The following SEZ6L variants were observed in gnomAD, a reference collection of about 807,000 sequenced individuals.
The protein encoded by SEZ6L is seizure 6-like protein.
Under a neutral mutation model 106.2 loss-of-function variants are expected in SEZ6L, and 37 were observed. The observed-to-expected ratio is 0.35, with a 90% confidence interval of 0.27 to 0.46. The LOEUF (loss-of-function observed/expected upper bound fraction) is 0.46. Ranked by LOEUF, SEZ6L falls within the 20% of genes least tolerant of loss-of-function variation. SEZ6L has a pLI of 1.00. For missense variants in SEZ6L, 1,172 were observed against 1,332.8 expected, an observed-to-expected ratio of 0.88 and a Z score of 1.88; for synonymous variants, 541 against 570.4, an observed-to-expected ratio of 0.95 and a Z score of 0.73.
intron 1 of SEZ6L, among the ~76,000 whole-genome samples, chr22:26,187,063 A>C (rs570293628): frequency 6.6e-6 from 1 of 152,310 alleles, no homozygotes; most frequent in African/African-American, 2.4e-5. Context: ...GGTTAGGGAC[A>C]ATTTGTGTAT....
intron 9 of SEZ6L, among the ~76,000 whole-genome samples, chr22:26,329,230 G>A (rs1011229383): frequency 1.3e-5 from 2 of 152,282 alleles, no homozygotes; most frequent in African/African-American, 4.8e-5. Flanking sequence ...CACTCTGGGA[G>A]GCCAAGGCAG....
chr22:26,253,632 C>G (rs1022654670), intron 1 of SEZ6L, among the ~76,000 whole-genome samples: 1 of 152,110 alleles, frequency 6.6e-6, no homozygotes, highest in African/African-American at 2.4e-5. Context: ...GGTTCTTTAT[C>G]ATTAGTGCGT....
At chr22:26,255,282 C>A (rs954484657) in intron 1 of SEZ6L, among the ~76,000 whole-genome samples, 21 of 152,212 alleles carry the variant, frequency 1.4e-4, no homozygotes, top group Non-Finnish European at 2.8e-4. Flanking sequence ...CATTTACAAA[C>A]TTGCCTTTTG....
chr22:26,288,267 G>A (rs748218221), intron 1 of SEZ6L, among the ~76,000 whole-genome samples: 2 of 152,178 alleles, frequency 1.3e-5, no homozygotes, highest in Non-Finnish European at 2.9e-5. Context: ...AGTCAGGTGG[G>A]TTCACGTGTT....
chr22:26,375,302 TC>T (rs2084182188), intron 14 of SEZ6L, among the ~76,000 whole-genome samples: 1 of 152,112 alleles, frequency 6.6e-6, no homozygotes, highest in Non-Finnish European at 1.5e-5. Context: ...TAACTGTAGC[TC>T]CCAAAAAATG....
chr22:26,344,614 GT>G (rs923258233), intron 10 of SEZ6L, among the ~76,000 whole-genome samples: 2 of 152,152 alleles, frequency 1.3e-5, no homozygotes, highest in Non-Finnish European at 2.9e-5. Context: ...CATTTCTTTT[GT>G]GCAAAAATTG....
At chr22:26,335,814 T>C (rs560623945) in intron 9 of SEZ6L, among the ~76,000 whole-genome samples, 3 of 152,144 alleles carry the variant, frequency 2.0e-5, no homozygotes, top group Non-Finnish European at 2.9e-5. Context: ...TTGGTGAGCA[T>C]CAAATCCAGC....
At chr22:26,219,914 C>A (rs1199243882) in intron 1 of SEZ6L, among the ~76,000 whole-genome samples, 1 of 152,178 alleles carries the variant, frequency 6.6e-6, no homozygotes, top group Admixed American at 6.5e-5. Context: ...ACCTATGTAA[C>A]AAACCTGCAC....
intron 1 of SEZ6L, among the ~76,000 whole-genome samples, chr22:26,226,455 TC>T (rs1265581908): frequency 6.6e-6 from 1 of 152,210 alleles, no homozygotes; most frequent in Non-Finnish European, 1.5e-5. Context: ...TCTCTGTTGC[TC>T]CCAAACACCC....
chr22:26,354,530 C>T (rs750712064), intron 12 of SEZ6L, among the ~76,000 whole-genome samples: 2 of 152,248 alleles, frequency 1.3e-5, no homozygotes, highest in Non-Finnish European at 2.9e-5. Flanking sequence ...AGCCCTAGGA[C>T]GTCAGTGTCA....
intron 15 of SEZ6L, among the ~76,000 whole-genome samples, chr22:26,377,228 A>G (rs2084259102): frequency 6.6e-6 from 1 of 152,170 alleles, no homozygotes; most frequent in Non-Finnish European, 1.5e-5. Flanking sequence ...GTGAGCTGAG[A>G]TGGCACCACT....
In SEZ6L at chr22:26,169,518, C is replaced by G. The variant is rs1363880967; in HGVS notation, c.-152C>G. 3 of 367,146 alleles carry G rather than the reference C, an allele frequency of 8.2e-6. No individual in the cohort carries two copies. The highest frequency in any genetic ancestry group is 4.2e-5 in the African/African-American group (2 of 47,106). The allele number at this position is 367,146 out of a possible 1,614,324, so 22.7% of individuals were successfully genotyped here. A position where few individuals can be genotyped will look rare whatever the true frequency, so the allele number is the denominator to read the frequency against. On this transcript the variant is annotated 5_prime_UTR_variant, in exon 1 of 17. Coordinates refer to ENST00000248933, the MANE Select transcript of SEZ6L (RefSeq NM_021115.5). Reference sequence around the variant, plus strand: ...CAGAGCGACCGCGGGGCTGAGCGCGCGTCCGCCCAGGGGGCTCCGGAAGCT... The same window carrying G: ...CAGAGCGACCGCGGGGCTGAGCGCGGGTCCGCCCAGGGGGCTCCGGAAGCT...
intron 12 of SEZ6L, among the ~76,000 whole-genome samples, chr22:26,355,868 T>C (rs2083421615): frequency 6.6e-6 from 1 of 152,198 alleles, no homozygotes; most frequent in Non-Finnish European, 1.5e-5. Flanking sequence ...TCCTAGTCCA[T>C]TTACCCCAGG....
intron 1 of SEZ6L, among the ~76,000 whole-genome samples, chr22:26,286,332 G>C (rs2080932007): frequency 6.6e-6 from 1 of 152,176 alleles, no homozygotes; most frequent in African/African-American, 2.4e-5. Flanking sequence ...GCTAGAGACA[G>C]CATCTTAAAA....
intron 1 of SEZ6L, among the ~76,000 whole-genome samples, chr22:26,267,425 T>G (rs911865938): frequency 1.3e-5 from 2 of 152,326 alleles, no homozygotes; most frequent in Non-Finnish European, 2.9e-5. Flanking sequence ...ACCAAGGACC[T>G]TTTTGTAGAG....
chr22:26,292,791 C>A lies in SEZ6L; in HGVS notation c.480C>A (p.Ser160=). 6.2e-7 allele frequency: 1 copy of A among 1,614,084 alleles called. No individual in the cohort carries two copies. Among genetic ancestry groups the A allele is most frequent in the East Asian group, 2.2e-5 (1 of 44,884 alleles). The change falls in exon 2 of 17, where the codon TCC becomes TCA. Residue 160 remains serine, a synonymous_variant. Transcript: ENST00000248933. Reference sequence around the variant, plus strand: ...AGGGCCTAGATCTCCTCTCCTCCTCCACGGAGAAGCCTGGCCCACCGGGGG... The same window carrying A: ...AGGGCCTAGATCTCCTCTCCTCCTCAACGGAGAAGCCTGGCCCACCGGGGG... ...ASQGLDLLSS[S]TEKPGPPGDP... is the part of the protein sequence containing the mutation.
At chr22:26,354,658 G>T (rs1042082682) in intron 12 of SEZ6L, among the ~76,000 whole-genome samples, 14 of 152,194 alleles carry the variant, frequency 9.2e-5, no homozygotes, top group Non-Finnish European at 1.8e-4. Flanking sequence ...AATACTGAAA[G>T]GTGGAGGCAT....
intron 1 of SEZ6L, among the ~76,000 whole-genome samples, chr22:26,270,067 C>A (rs2080313834): frequency 6.6e-6 from 1 of 152,182 alleles, no homozygotes; most frequent in East Asian, 1.9e-4. Context: ...AGGGACACTG[C>A]TAAGCCTGCC....
intron 11 of SEZ6L, among the ~76,000 whole-genome samples, chr22:26,349,096 T>C (rs1213113575): frequency 6.6e-6 from 1 of 152,134 alleles, no homozygotes; most frequent in Non-Finnish European, 1.5e-5. Flanking sequence ...AGGCCCAAAG[T>C]GGGCAAATAA....
Sources: allele counts gnomAD v4.1 joint callset (sites outside exome capture counted in the v4.1 genomes callset), GRCh38; gene constraint gnomAD v4.1.1; transcripts MANE v1.5; gene names NCBI Gene and HGNC (gene_info 2026-07-23, HGNC 2026-07-21).